Variants in CACNA2D3 observed in about 807,000 individuals in gnomAD.
The protein encoded by CACNA2D3 is calcium voltage-gated channel auxiliary subunit alpha2delta 3.
Under a neutral mutation model 160.6 loss-of-function variants are expected in CACNA2D3, and 60 were observed. The ratio of observed to expected loss-of-function variants is 0.37; its 90% CI spans 0.30 to 0.46. The LOEUF is 0.46. Ranked by LOEUF, CACNA2D3 falls within the 20% of genes least tolerant of loss-of-function variation. The pLI is 1.00. For synonymous variants in CACNA2D3, 558 were observed against 492.9 expected, an observed-to-expected ratio of 1.13 and a Z score of -1.75; for missense variants, 1,205 against 1,365.0, an observed-to-expected ratio of 0.88 and a Z score of 1.85.
At chr3:54,546,110 AG>A (rs1176322994) in intron 5 of CACNA2D3, among the ~76,000 whole-genome samples, 1 of 152,156 alleles carries the variant, frequency 6.6e-6, no homozygotes, top group Non-Finnish European at 1.5e-5. Flanking sequence ...TGGCCCTATA[AG>A]GGGAAAGGCT....
chr3:55,059,152 T>C (rs1032844883), intron 35 of CACNA2D3, among the ~76,000 whole-genome samples: 3 of 152,248 alleles, frequency 2.0e-5, no homozygotes, highest in South Asian at 2.1e-4. Flanking sequence ...GTGTACACTT[T>C]TATTCAGGCT....
chr3:54,653,298 C>T (rs1699811263), intron 11 of CACNA2D3, among the ~76,000 whole-genome samples: 1 of 152,212 alleles, frequency 6.6e-6, no homozygotes, highest in Admixed American at 6.5e-5. Flanking sequence ...TTTCTCACTG[C>T]TGTTTCATTC....
intron 2 of CACNA2D3, among the ~76,000 whole-genome samples, chr3:54,208,187 C>T (rs574698325): frequency 6.6e-6 from 1 of 152,228 alleles, no homozygotes; most frequent in African/African-American, 2.4e-5. Context: ...CTCACTGCAA[C>T]CTCTGCCTCC....
Position 54,880,840 on chromosome 3 carries a change from G to T in CACNA2D3, c.1889G>T (p.Arg630Leu), listed in dbSNP as rs572162290. Residue 630 changes from arginine to leucine, a missense_variant, in exon 21 of 38, where the codon CGA becomes CTA. Physicochemically the swap from Arg to Leu is moderately radical, Grantham distance 102. This residue lies in a region of CACNA2D3 where 911 missense variants were observed against 1,002.2 expected (regional missense o/e 0.91). Coordinates refer to ENST00000474759, the MANE Select transcript of CACNA2D3 (RefSeq NM_018398.3). Reference protein sequence around the residue: ...LSRGHGKYFFRGNVTIEEGLH... With the variant: ...LSRGHGKYFFLGNVTIEEGLH... ...AGAGGTCATGGGAAATATTTCTTCC[G>T]AGGGAATGTAACCATCGAAGAAGGT... The T allele has an allele frequency of 6.2e-7, 1 of 1,613,806 alleles. No individual in the cohort carries two copies. The highest frequency in any genetic ancestry group is 8.5e-7 in the Non-Finnish European group (1 of 1,179,754).
chr3:54,520,095 G>A (rs1302454904), intron 5 of CACNA2D3, among the ~76,000 whole-genome samples: 1 of 152,254 alleles, frequency 6.6e-6, no homozygotes, highest in East Asian at 1.9e-4. Flanking sequence ...AAAAGTGCAA[G>A]TTAACTTCCT....
intron 11 of CACNA2D3, among the ~76,000 whole-genome samples, chr3:54,750,879 C>T (rs1312257532): frequency 2.0e-5 from 3 of 151,868 alleles, no homozygotes; most frequent in African/African-American, 4.8e-5. Flanking sequence ...AAGCAATTCT[C>T]CTGCCTCAGC....
chr3:54,520,670 G>A (rs1298951837), intron 5 of CACNA2D3, among the ~76,000 whole-genome samples: 1 of 152,134 alleles, frequency 6.6e-6, no homozygotes, highest in Non-Finnish European at 1.5e-5. Flanking sequence ...TGGTTTTAGT[G>A]TATTCACAGA....
chr3:54,739,558 A>G (rs1376211172), intron 11 of CACNA2D3, among the ~76,000 whole-genome samples: 3 of 152,008 alleles, frequency 2.0e-5, no homozygotes, highest in Non-Finnish European at 2.9e-5. Context: ...TTCACCTCAA[A>G]TTTTCATCTT....
chr3:54,761,595 G>A (rs1260072791), intron 12 of CACNA2D3, among the ~76,000 whole-genome samples: 2 of 152,162 alleles, frequency 1.3e-5, no homozygotes, highest in Non-Finnish European at 2.9e-5. Flanking sequence ...CATTCCAAAT[G>A]GGTCTCCCTA....
At chr3:54,774,356 A>G (rs1342275499) in intron 13 of CACNA2D3, among the ~76,000 whole-genome samples, 1 of 152,174 alleles carries the variant, frequency 6.6e-6, no homozygotes, top group African/African-American at 2.4e-5. Context: ...GTGGAAGGCA[A>G]AGGGGAAGCA....
intron 27 of CACNA2D3, among the ~76,000 whole-genome samples, chr3:54,930,564 G>A (rs1425842018): frequency 6.6e-6 from 1 of 152,198 alleles, no homozygotes; most frequent in African/African-American, 2.4e-5. Context: ...GATGTTGGAG[G>A]TCAAGACCCT....
intron 2 of CACNA2D3, among the ~76,000 whole-genome samples, chr3:54,244,717 A>G (rs1001642332): frequency 1.3e-5 from 2 of 152,272 alleles, no homozygotes; most frequent in African/African-American, 4.8e-5. Context: ...TTTACCAAAC[A>G]TTTTAATATT....
intron 5 of CACNA2D3, among the ~76,000 whole-genome samples, chr3:54,559,998 A>C (rs573480685): frequency 1.3e-5 from 2 of 152,168 alleles, no homozygotes; most frequent in Non-Finnish European, 2.9e-5. Flanking sequence ...ATGGACATTT[A>C]AGTTGATTCC....
At chr3:54,666,688 C>T (rs1321592123) in intron 11 of CACNA2D3, among the ~76,000 whole-genome samples, 1 of 152,126 alleles carries the variant, frequency 6.6e-6, no homozygotes, top group Non-Finnish European at 1.5e-5. Flanking sequence ...CCAACTTGTC[C>T]TTTAAAATAT....
chr3:54,732,371 T>G (rs554025652), intron 11 of CACNA2D3, among the ~76,000 whole-genome samples: 2 of 152,308 alleles, frequency 1.3e-5, no homozygotes, highest in Non-Finnish European at 2.9e-5. Flanking sequence ...AATGTGTTCT[T>G]TGGTGGCCCA....
chr3:55,046,069 T>G (rs1704072787), intron 35 of CACNA2D3, among the ~76,000 whole-genome samples: 1 of 151,418 alleles, frequency 6.6e-6, no homozygotes, highest in Non-Finnish European at 1.5e-5. Context: ...CTAAAAATTT[T>G]GATAGGTTTT....
chr3:54,772,057 G>C (rs766816850), intron 13 of CACNA2D3, among the ~76,000 whole-genome samples: 11 of 151,560 alleles, frequency 7.3e-5, no homozygotes, highest in Non-Finnish European at 1.3e-4. Flanking sequence ...TCTGAAAGGA[G>C]CTGTGATTCC....
chr3:54,311,040 G>C (rs143123354), intron 2 of CACNA2D3, among the ~76,000 whole-genome samples: 1 of 152,316 alleles, frequency 6.6e-6, no homozygotes, highest in African/African-American at 2.4e-5. Flanking sequence ...GTGCACCTTG[G>C]TGATTCTACT....
chr3:54,575,638 A>G (rs1702567869), intron 8 of CACNA2D3, among the ~76,000 whole-genome samples: 1 of 152,208 alleles, frequency 6.6e-6, no homozygotes, highest in Non-Finnish European at 1.5e-5. Flanking sequence ...CTCACAACAC[A>G]GTGTGGCCAG....
Sources: allele counts gnomAD v4.1 joint callset (sites outside exome capture counted in the v4.1 genomes callset), GRCh38; gene constraint gnomAD v4.1.1; regional missense constraint gnomAD v4.1.1; transcripts MANE v1.5; gene names NCBI Gene and HGNC (gene_info 2026-07-23, HGNC 2026-07-21).